The following UNC79 variants were observed in gnomAD, a reference collection of about 807,000 sequenced individuals.
The protein encoded by UNC79 is protein unc-79 homolog.
A neutral mutation model predicts 283.1 loss-of-function variants in UNC79; 37 were observed. The observed-to-expected ratio is 0.13, with a 90% CI of 0.10 to 0.17. The LOEUF is 0.17. Among genes scored for constraint, UNC79 ranks in the 10% least tolerant of loss-of-function variants. The probability of loss-of-function intolerance (pLI) is 1.00; values close to 1 mark genes in which losing one functional copy is unlikely to be tolerated. For synonymous variants in UNC79, 1,107 were observed against 1,200.2 expected, an observed-to-expected ratio of 0.92 and a Z score of 1.61; for missense variants, 2,272 against 3,211.1, an observed-to-expected ratio of 0.71 and a Z score of 7.07.
At chr14:93,342,113 A>T (rs2053726777) in intron 1 of UNC79, among the ~76,000 whole-genome samples, 1 of 152,202 alleles carries the variant, frequency 6.6e-6, no homozygotes, top group South Asian at 2.1e-4. Flanking sequence ...CTGCAACCCC[A>T]CATTTCCCCC....
In UNC79 at chr14:93,673,570, A is replaced by G. The variant is rs147014505; in HGVS notation, c.6741+115A>G. The stretch of plus-strand genomic sequence containing the variant: ...AAATATCTTTGCTTAGAGATGATAA[A>G]TAATATATCTTATATGGACCATGAT... On this transcript the variant is annotated intron_variant, in intron 41 of 48. Transcript: ENST00000555664. The G allele has an allele frequency of 3.6e-5, 28 of 773,658 alleles. No individual in the cohort carries two copies. The East Asian group carries it at 7.3e-4, about 20-fold the overall frequency. 47.9% of individuals were successfully genotyped at this position (773,658 alleles called of 1,614,324 possible). A position where few individuals can be genotyped will look rare whatever the true frequency, so the allele number is the denominator to read the frequency against.
chr14:93,660,882 G>T (rs559128538), intron 39 of UNC79, among the ~76,000 whole-genome samples: 1 of 151,890 alleles, frequency 6.6e-6, no homozygotes, highest in African/African-American at 2.4e-5. Flanking sequence ...GTCCCACTGC[G>T]CCCAACCTCA....
chr14:93,412,019 G>C (rs946342579), intron 1 of UNC79, among the ~76,000 whole-genome samples: 2 of 152,202 alleles, frequency 1.3e-5, no homozygotes, highest in African/African-American at 4.8e-5. Flanking sequence ...TAGCTGTTTT[G>C]AGGAAACTCA....
intron 16 of UNC79, among the ~76,000 whole-genome samples, chr14:93,573,459 A>G (rs2063315212): frequency 6.6e-6 from 1 of 152,180 alleles, no homozygotes; most frequent in Non-Finnish European, 1.5e-5. Flanking sequence ...CTCCTAGAAT[A>G]TGGCACACGC....
intron 47 of UNC79, among the ~76,000 whole-genome samples, chr14:93,698,476 G>GATTTTTTTTTTTT (rs1555408706): frequency 1.3e-5 from 1 of 79,096 alleles, no homozygotes; most frequent in African/African-American, 4.0e-5. Context: ...TTTAGTTTAG[G>GATTTTTTTTTTTT]TTTTTTTTTT....
chr14:93,407,737 G>A (rs185240345), intron 1 of UNC79, among the ~76,000 whole-genome samples: 3 of 152,174 alleles, frequency 2.0e-5, no homozygotes, highest in Non-Finnish European at 4.4e-5. Flanking sequence ...AAAAACTGGA[G>A]ATTTAATTAT....
At chr14:93,662,391 A>G (rs1048610853) in intron 39 of UNC79, among the ~76,000 whole-genome samples, 1 of 152,212 alleles carries the variant, frequency 6.6e-6, no homozygotes, top group Non-Finnish European at 1.5e-5. Flanking sequence ...CTTTTTGAGC[A>G]GTGAAATGAT....
At chr14:93,418,483 T>C (rs1327583570) in intron 1 of UNC79, among the ~76,000 whole-genome samples, 5 of 151,766 alleles carry the variant, frequency 3.3e-5, no homozygotes, top group African/African-American at 1.2e-4. Context: ...AGGGACCCAC[T>C]TGAGGAGGCA....
At chr14:93,686,383 A>G (rs2074241588) in intron 42 of UNC79, among the ~76,000 whole-genome samples, 189 bp from the exon 46 acceptor site, 1 of 152,216 alleles carries the variant, frequency 6.6e-6, no homozygotes, top group African/African-American at 2.4e-5. Flanking sequence ...GTTCTCTGCC[A>G]CAAACCTTCT....
intron 42 of UNC79, among the ~76,000 whole-genome samples, chr14:93,686,190 ATGTGT>A (rs1375624190): frequency 6.6e-6 from 1 of 152,204 alleles, no homozygotes; most frequent in African/African-American, 2.4e-5. Flanking sequence ...TAGAATGAGA[ATGTGT>A]TGCTATGTTT....
intron 38 of UNC79, among the ~76,000 whole-genome samples, chr14:93,655,635 A>G (rs1356932743): frequency 6.9e-6 from 1 of 145,528 alleles, no homozygotes; most frequent in Non-Finnish European, 1.5e-5. Context: ...GCATGTTTCC[A>G]GTTGATTTGA....
intron 23 of UNC79, among the ~76,000 whole-genome samples, chr14:93,596,459 A>T (rs2065088805): frequency 6.6e-6 from 1 of 152,140 alleles, no homozygotes; most frequent in Non-Finnish European, 1.5e-5. Flanking sequence ...ACATGGTGAA[A>T]CCCTGTCTCT....
intron 4 of UNC79, among the ~76,000 whole-genome samples, chr14:93,478,140 G>A (rs1281934361): frequency 1.3e-5 from 2 of 152,126 alleles, no homozygotes; most frequent in African/African-American, 4.8e-5. Flanking sequence ...TGTAAATTCT[G>A]GTCCCAGCTC....
upstream of UNC79, among the ~76,000 whole-genome samples, chr14:93,425,476 A>C (rs1026637654): frequency 6.6e-6 from 1 of 152,224 alleles, no homozygotes; most frequent in African/African-American, 2.4e-5. Flanking sequence ...TTGCCTTATA[A>C]AGACTTATTA....
At chr14:93,437,409 G>A (rs1168541912) in intron 1 of UNC79, 1 of 151,852 alleles carries the variant, frequency 6.6e-6, no homozygotes, top group Non-Finnish European at 1.5e-5. Flanking sequence ...TTTTTATACA[G>A]AACTTTTCAC....
At chr14:93,494,232 C>CT (rs776023522) in intron 5 of UNC79, among the ~76,000 whole-genome samples, 3 of 152,074 alleles carry the variant, frequency 2.0e-5, no homozygotes, top group Non-Finnish European at 2.9e-5. Context: ...TGTGAGAACT[C>CT]TATCATGAGA....
chr14:93,676,907 T>G (rs1280456390), intron 41 of UNC79, among the ~76,000 whole-genome samples: 4 of 152,246 alleles, frequency 2.6e-5, no homozygotes, highest in Non-Finnish European at 5.9e-5. Context: ...AACAAATGTG[T>G]GACTTGTCAT....
chr14:93,571,955 G>A (rs748030316), exon 15 of UNC79: 12 of 1,614,138 alleles, frequency 7.4e-6, no homozygotes, highest in Admixed American at 1.7e-5. Flanking sequence ...GGTCTCAACC[G>A]AATCCTCTGC....
intron 1 of UNC79, among the ~76,000 whole-genome samples, chr14:93,391,956 G>A (rs141070826): frequency 2.0e-5 from 3 of 152,316 alleles, no homozygotes; most frequent in Non-Finnish European, 4.4e-5. Flanking sequence ...TCTCACATAT[G>A]AGCAAAGATG....
Sources: gnomAD v4.1 joint callset for allele counts (sites outside exome capture counted in the v4.1 genomes callset) on GRCh38, gnomAD v4.1.1 for gene constraint, MANE v1.5 for transcripts, NCBI Gene and HGNC (gene_info 2026-07-23, HGNC 2026-07-21) for gene names.